The following CTNNA2 variants were observed in gnomAD, a reference collection of about 807,000 sequenced individuals.
CTNNA2 encodes catenin alpha 2.
A neutral mutation model predicts 101.0 loss-of-function variants in CTNNA2; 42 were observed. That is an observed-to-expected ratio of 0.42 (90% CI 0.32 to 0.54). CTNNA2 has a LOEUF of 0.54. Ranked by LOEUF, CTNNA2 falls within the 20% of genes least tolerant of loss-of-function variation. The pLI is 0.14. For missense variants in CTNNA2, 871 were observed against 1,223.1 expected (o/e 0.71, Z 4.29); for synonymous variants, 450 against 456.4 (o/e 0.99, Z 0.18).
intron 2 of CTNNA2, among the ~76,000 whole-genome samples, chr2:79,210,090 G>T (rs72816678): frequency 4.1e-4 from 37 of 89,650 alleles, no homozygotes; most frequent in South Asian, 1.7e-3. Context: ...AAGCTATATT[G>T]TGTGTGTGTG....
At chr2:79,462,156 A>T in intron 4 of CTNNA2, among the ~76,000 whole-genome samples, 1 of 152,228 alleles carries the variant, frequency 6.6e-6, no homozygotes, top group Middle Eastern at 3.2e-3. Context: ...TAAATTACCT[A>T]CAGAGATATA....
chr2:80,218,397 T>G (rs1394667094), intron 7 of CTNNA2, among the ~76,000 whole-genome samples: 1 of 152,230 alleles, frequency 6.6e-6, no homozygotes, highest in Admixed American at 6.5e-5. Context: ...GACAGCAGTT[T>G]ATGGATTCAT....
chr2:80,643,030 A>G (rs1232815179), intron 18 of CTNNA2, among the ~76,000 whole-genome samples: 1 of 152,160 alleles, frequency 6.6e-6, no homozygotes, highest in Non-Finnish European at 1.5e-5. Flanking sequence ...CTTTTCATGG[A>G]CTGTAATAGC....
intron 7 of CTNNA2, among the ~76,000 whole-genome samples, chr2:80,351,636 AT>A (rs1673303727): frequency 6.6e-6 from 1 of 152,226 alleles, no homozygotes; most frequent in South Asian, 2.1e-4. Flanking sequence ...TTTAACATGC[AT>A]GGGGGGTAAG....
intron 14 of CTNNA2, among the ~76,000 whole-genome samples, chr2:80,583,939 C>T (rs566966647): frequency 2.0e-5 from 3 of 152,220 alleles, no homozygotes; most frequent in African/African-American, 7.2e-5. Flanking sequence ...AGCACTTGCT[C>T]ATTTGACTTT....
At chr2:80,632,487 G>A (rs192377957) in intron 18 of CTNNA2, among the ~76,000 whole-genome samples, 1 of 152,138 alleles carries the variant, frequency 6.6e-6, no homozygotes, top group African/African-American at 2.4e-5. Flanking sequence ...AGCCAAATTT[G>A]AGGGCCCCAA....
intron 4 of CTNNA2, among the ~76,000 whole-genome samples, chr2:79,402,727 T>C (rs1678303290): frequency 6.6e-6 from 1 of 151,824 alleles, no homozygotes; most frequent in Non-Finnish European, 1.5e-5. Context: ...ACTTAAACCA[T>C]ATATAGGCCA....
intron 3 of CTNNA2, among the ~76,000 whole-genome samples, chr2:79,786,292 A>G (rs1674841857): frequency 1.3e-5 from 2 of 152,020 alleles, no homozygotes; most frequent in Admixed American, 1.3e-4. Context: ...AATTTAATTA[A>G]GATATAAGTT....
At chr2:79,185,714 C>G (rs1231640620) in intron 1 of CTNNA2, among the ~76,000 whole-genome samples, 1 of 152,070 alleles carries the variant, frequency 6.6e-6, no homozygotes, top group Non-Finnish European at 1.5e-5. Flanking sequence ...ATGTCTGACA[C>G]AGAAGAGTAT....
At chr2:80,297,159 C>T (rs12464777) in intron 7 of CTNNA2, among the ~76,000 whole-genome samples, 86,132 of 152,066 alleles carry the variant, frequency 0.57, 25,354 homozygotes, top group African/African-American at 0.74. Context: ...GATTTCACCA[C>T]TGTGCCCATG....
At chr2:79,292,057 G>A (rs571421066) in intron 2 of CTNNA2, among the ~76,000 whole-genome samples, 3 of 152,102 alleles carry the variant, frequency 2.0e-5, no homozygotes, top group Non-Finnish European at 4.4e-5. Context: ...GCTCATCTTA[G>A]AGAAGTAAAA....
intron 8 of CTNNA2, among the ~76,000 whole-genome samples, chr2:80,396,417 G>A (rs1482185293): frequency 1.3e-5 from 2 of 152,148 alleles, no homozygotes; most frequent in East Asian, 3.9e-4. Context: ...TGTGGGCACA[G>A]CAGGCCCTGT....
intron 14 of CTNNA2, 36 bp from the exon 15 acceptor site, chr2:80,589,268 T>C (rs1171360068): frequency 6.2e-7 from 1 of 1,606,946 alleles, no homozygotes; most frequent in Non-Finnish European, 8.5e-7. Context: ...ACTTCCTTTG[T>C]CACCGTCACT....
chr2:80,301,765 G>A (rs1484651005), intron 7 of CTNNA2: 1 of 152,420 alleles, frequency 6.6e-6, no homozygotes, highest in Non-Finnish European at 1.5e-5. Context: ...CGTTGCTCCT[G>A]GATTTTCCTT....
chr2:80,252,033 T>C (rs78554249), intron 7 of CTNNA2, among the ~76,000 whole-genome samples: 8,395 of 152,288 alleles, frequency 0.055, 431 homozygotes, highest in South Asian at 0.29. Context: ...TATAATAAAC[T>C]TTTAAAACTT....
intron 7 of CTNNA2, among the ~76,000 whole-genome samples, chr2:80,062,966 A>G (rs1338117992): frequency 6.6e-6 from 1 of 152,056 alleles, no homozygotes; most frequent in Non-Finnish European, 1.5e-5. Flanking sequence ...CGGCCTCCCA[A>G]AGTGCTGGGA....
chr2:80,591,455 C>CTTTTT (rs1553401282), intron 15 of CTNNA2, among the ~76,000 whole-genome samples: 1 of 57,580 alleles, frequency 1.7e-5, no homozygotes, highest in Non-Finnish European at 4.0e-5. Flanking sequence ...TCTGCACAGC[C>CTTTTT]TGTTTTTTTT....
intron 18 of CTNNA2, among the ~76,000 whole-genome samples, chr2:80,630,810 T>A (rs978873958): frequency 6.6e-6 from 1 of 151,856 alleles, no homozygotes; most frequent in Non-Finnish European, 1.5e-5. Context: ...CTTCTGTGTT[T>A]GTTAATATAT....
chr2:79,471,288 A>G (rs966313691), intron 4 of CTNNA2, among the ~76,000 whole-genome samples: 2 of 152,194 alleles, frequency 1.3e-5, no homozygotes, highest in African/African-American at 4.8e-5. Context: ...TATTAAAAAT[A>G]CTATAGTCTT....
Sources: gnomAD v4.1 joint callset for allele counts (sites outside exome capture counted in the v4.1 genomes callset) on GRCh38, gnomAD v4.1.1 for gene constraint, MANE v1.5 for transcripts, NCBI Gene and HGNC (gene_info 2026-07-23, HGNC 2026-07-21) for gene names.